Variants in OR2L13 observed in about 807,000 individuals in gnomAD.
OR2L13 encodes olfactory receptor family 2 subfamily L member 13, also known as olfactory receptor 2L13.
A neutral mutation model predicts 15.3 loss-of-function variants in OR2L13; 14 were observed. The ratio of observed to expected loss-of-function variants is 0.91; its 90% CI spans 0.60 to 1.43. The LOEUF is 1.43. OR2L13 is among the 40% of genes most tolerant of loss of function. The probability of loss-of-function intolerance (pLI) is 0.00; values close to 1 mark genes in which losing one functional copy is unlikely to be tolerated. For missense variants in OR2L13, 367 were observed against 387.9 expected, an observed-to-expected ratio of 0.95 and a Z score of 0.45; for synonymous variants, 152 against 142.9, an observed-to-expected ratio of 1.06 and a Z score of -0.45.
At chr1:248,071,987 G>C in the OR2L13 span, among the ~76,000 whole-genome samples, 11 of 150,386 alleles carry the variant, frequency 7.3e-5, no homozygotes, top group East Asian at 5.8e-4. Flanking sequence ...AGGATACAAA[G>C]AAATGGAAGA....
At chr1:248,038,963 G>C in the OR2L13 span, 1 of 1,614,048 alleles carries the variant, frequency 6.2e-7, no homozygotes, top group Non-Finnish European at 8.5e-7. Context: ...CTGCAGAAGG[G>C]AGGAAGAAGG....
At chr1:247,953,085 C>G in the OR2L13 span, among the ~76,000 whole-genome samples, 1 of 152,106 alleles carries the variant, frequency 6.6e-6, no homozygotes, top group Admixed American at 6.6e-5. Context: ...TTAAGAAGAA[C>G]AACAGAAAAA....
upstream of OR2L13, among the ~76,000 whole-genome samples, chr1:248,092,299 A>G (rs1471037390): frequency 2.6e-5 from 4 of 152,142 alleles, no homozygotes; most frequent in Non-Finnish European, 5.9e-5. Context: ...TCTGGCTAAG[A>G]CTTCCTACAT....
At chr1:247,951,755 C>T in the OR2L13 span, among the ~76,000 whole-genome samples, 1 of 152,190 alleles carries the variant, frequency 6.6e-6, no homozygotes. Context: ...ATGAATACAA[C>T]AGGCGTGGGC....
At chr1:248,050,530 T>C in the OR2L13 span, among the ~76,000 whole-genome samples, 1 of 152,058 alleles carries the variant, frequency 6.6e-6, no homozygotes, top group Non-Finnish European at 1.5e-5. Flanking sequence ...ACATGGATAA[T>C]AAAAAGATGA....
chr1:247,991,236 T>A, the OR2L13 span: 1 of 1,410,392 alleles, frequency 7.1e-7, no homozygotes, highest in African/African-American at 1.5e-5. Context: ...GTCAAAGCGC[T>A]AGGTTCATAT....
chr1:247,972,574 G>A, the OR2L13 span, among the ~76,000 whole-genome samples: 127,785 of 151,978 alleles, frequency 0.84, 55,448 homozygotes, highest in South Asian at 0.97. Context: ...GGAAGAAGTC[G>A]AATCCCTAAA....
At chr1:248,070,552 C>T in the OR2L13 span, among the ~76,000 whole-genome samples, 1 of 152,032 alleles carries the variant, frequency 6.6e-6, no homozygotes, top group South Asian at 2.1e-4. Flanking sequence ...ACCCTAACAT[C>T]ACAATTAAAA....
At chr1:248,093,493 CAT>C (rs1227008044), upstream of OR2L13, among the ~76,000 whole-genome samples, 3 of 152,116 alleles carry the variant, frequency 2.0e-5, no homozygotes, top group Admixed American at 2.0e-4. Context: ...CAGGGAAAAA[CAT>C]AGAAGTTACC....
the OR2L13 span, chr1:248,060,634 T>C: frequency 1.3e-6 from 2 of 1,486,008 alleles, no homozygotes; most frequent in Non-Finnish European, 1.8e-6. Flanking sequence ...ATTTCTGTGC[T>C]TAACTTACCC....
At chr1:248,026,328 A>C in the OR2L13 span, among the ~76,000 whole-genome samples, 1 of 152,168 alleles carries the variant, frequency 6.6e-6, no homozygotes, top group Non-Finnish European at 1.5e-5. Flanking sequence ...CACTCCTGAG[A>C]CAGCAAGACC....
the OR2L13 span, among the ~76,000 whole-genome samples, chr1:248,073,807 A>G: frequency 4.6e-5 from 7 of 151,962 alleles, no homozygotes; most frequent in East Asian, 1.9e-4. Context: ...TGTTTTGACT[A>G]AAACATTATA....
chr1:248,015,385 T>C, the OR2L13 span, among the ~76,000 whole-genome samples: 1 of 152,122 alleles, frequency 6.6e-6, no homozygotes, highest in East Asian at 1.9e-4. Context: ...CTCTTCTGTG[T>C]CATCTGATTG....
At chr1:247,983,362 CT>C in the OR2L13 span, among the ~76,000 whole-genome samples, 1 of 152,158 alleles carries the variant, frequency 6.6e-6, no homozygotes, top group South Asian at 2.1e-4. Flanking sequence ...TTCCTACTCA[CT>C]ATGAAACCAT....
the OR2L13 span, among the ~76,000 whole-genome samples, chr1:248,016,061 G>C: frequency 6.6e-6 from 1 of 152,106 alleles, no homozygotes; most frequent in Non-Finnish European, 1.5e-5. Flanking sequence ...TTATGATAAT[G>C]AGACTATCAC....
chr1:248,011,992 T>G, the OR2L13 span, among the ~76,000 whole-genome samples: 2 of 152,192 alleles, frequency 1.3e-5, no homozygotes, highest in African/African-American at 4.8e-5. Context: ...TTAATATCTA[T>G]GTGATTTAAT....
the OR2L13 span, among the ~76,000 whole-genome samples, chr1:248,007,129 A>G: frequency 6.6e-6 from 1 of 152,164 alleles, no homozygotes; most frequent in East Asian, 1.9e-4. Flanking sequence ...ATTTTCTGTG[A>G]TGTACCATGG....
the OR2L13 span, among the ~76,000 whole-genome samples, chr1:248,070,232 A>C: frequency 4.8e-4 from 73 of 152,202 alleles, 1 homozygote; most frequent in African/African-American, 1.6e-3. Flanking sequence ...GAAGTAAAGC[A>C]CTCCTCAGCA....
At chr1:247,954,091 A>G in the OR2L13 span, among the ~76,000 whole-genome samples, 1 of 152,188 alleles carries the variant, frequency 6.6e-6, no homozygotes, top group East Asian at 1.9e-4. Context: ...TCATTAATCC[A>G]TCTTGTATCA....
Sources: gnomAD v4.1 joint callset for allele counts (sites outside exome capture counted in the v4.1 genomes callset) on GRCh38, gnomAD v4.1.1 for gene constraint, MANE v1.5 for transcripts, NCBI Gene and HGNC (gene_info 2026-07-23, HGNC 2026-07-21) for gene names.